Variants in PTPRD observed in about 807,000 individuals in gnomAD.
PTPRD encodes protein tyrosine phosphatase receptor type D.
In PTPRD, 34 loss-of-function variants were observed where a neutral mutation model predicts 214.5. The observed-to-expected ratio is 0.16, with a 90% confidence interval of 0.12 to 0.21. The LOEUF is 0.21. PTPRD is among the 10% of genes least tolerant of loss of function. The probability of loss-of-function intolerance (pLI) is 1.00; values close to 1 mark genes in which losing one functional copy is unlikely to be tolerated. For synonymous variants in PTPRD, 1,128 were observed against 845.7 expected (o/e 1.33, Z -5.79); for missense variants, 2,545 against 2,398.7 (o/e 1.06, Z -1.27).
intron 9 of PTPRD, among the ~76,000 whole-genome samples, chr9:9,290,311 C>T (rs62535767): frequency 0.25 from 38,555 of 151,414 alleles, 5,481 homozygotes; most frequent in Middle Eastern, 0.33. Context: ...AGATTATTTG[C>T]TTCTTTGCTA....
At chr9:10,335,623 C>G (rs1308151018) in intron 3 of PTPRD, among the ~76,000 whole-genome samples, 1 of 151,348 alleles carries the variant, frequency 6.6e-6, no homozygotes, top group Admixed American at 6.6e-5. Flanking sequence ...AAAATTCCAG[C>G]TGAAAAAAGA....
chr9:10,191,664 C>T (rs554892918), intron 3 of PTPRD, among the ~76,000 whole-genome samples: 68 of 152,246 alleles, frequency 4.5e-4, no homozygotes, highest in Non-Finnish European at 8.8e-5. Context: ...TATACTTGAT[C>T]AGAGGGTTGC....
At chr9:9,827,516 T>A (rs1212045306) in intron 5 of PTPRD, among the ~76,000 whole-genome samples, 1 of 152,090 alleles carries the variant, frequency 6.6e-6, no homozygotes, top group Non-Finnish European at 1.5e-5. Flanking sequence ...TCAAGATGGA[T>A]TAAAGACTTA....
At chr9:8,650,670 C>T (rs1391291011) in intron 12 of PTPRD, among the ~76,000 whole-genome samples, 1 of 151,982 alleles carries the variant, frequency 6.6e-6, no homozygotes, top group Non-Finnish European at 1.5e-5. Context: ...CTGAAAAATG[C>T]CCAGCATTAT....
At chr9:9,430,331 A>T (rs2082600143) in intron 8 of PTPRD, among the ~76,000 whole-genome samples, 1 of 151,762 alleles carries the variant, frequency 6.6e-6, no homozygotes, top group South Asian at 2.1e-4. Flanking sequence ...AATACCTAGG[A>T]ATCCAACTTA....
Position 9,073,520 on chromosome 9 carries a change from C to T in PTPRD, c.-142-54785G>A, listed in dbSNP as rs186204848. 2.4e-4 allele frequency among the ~76,000 whole-genome samples: 37 copies of T among 152,168 alleles called. No homozygotes were observed. In the East Asian group the frequency reaches 7.0e-3, roughly 29 times the overall value. ...CACCAGTTAAGTAAAGCAGACAATC[C>T]TCCATAATATGAATGGGTCTCATTA... On this transcript the variant is annotated intron_variant, in intron 10 of 45. Transcript: ENST00000381196.
At chr9:8,729,502 A>T (rs1020297093) in intron 12 of PTPRD, among the ~76,000 whole-genome samples, 2 of 152,194 alleles carry the variant, frequency 1.3e-5, no homozygotes, top group Admixed American at 1.3e-4. Context: ...CTGTTTGCTA[A>T]ATCTTGTTGA....
At chr9:9,453,208 G>A (rs1481879361) in intron 8 of PTPRD, among the ~76,000 whole-genome samples, 1 of 151,416 alleles carries the variant, frequency 6.6e-6, no homozygotes, top group East Asian at 1.9e-4. Flanking sequence ...TTGTTAGTAT[G>A]GGTAATTAAA....
chr9:8,374,112 G>C (rs1270451443), intron 39 of PTPRD, among the ~76,000 whole-genome samples: 1 of 120,700 alleles, frequency 8.3e-6, no homozygotes, highest in African/African-American at 3.8e-5. Flanking sequence ...TTACACACGT[G>C]TCTGTGTGTG....
intron 7 of PTPRD, among the ~76,000 whole-genome samples, chr9:9,683,870 G>T (rs144329945): frequency 1.3e-5 from 2 of 151,440 alleles, no homozygotes; most frequent in Admixed American, 6.6e-5. Flanking sequence ...AGTTAGTTCG[G>T]GTTCTAACAT....
chr9:9,889,723 G>A (rs1601064484), intron 5 of PTPRD, among the ~76,000 whole-genome samples: 2 of 152,172 alleles, frequency 1.3e-5, no homozygotes, highest in African/African-American at 2.4e-5. Context: ...GCCCTGGAGG[G>A]TCACAGCAGG....
chr9:10,410,730 ATCTT>A (rs2154506822), intron 2 of PTPRD, among the ~76,000 whole-genome samples: 1 of 151,798 alleles, frequency 6.6e-6, no homozygotes, highest in East Asian at 1.9e-4. Flanking sequence ...ATTTTTCCCA[ATCTT>A]AACAAGTGTG....
intron 12 of PTPRD, among the ~76,000 whole-genome samples, chr9:8,676,935 C>CA (rs1565202828): frequency 6.6e-6 from 1 of 151,856 alleles, no homozygotes; most frequent in Non-Finnish European, 1.5e-5. Flanking sequence ...AGTAGGCACC[C>CA]AAAATAAGTC....
intron 11 of PTPRD, among the ~76,000 whole-genome samples, chr9:9,014,413 C>T (rs518386): frequency 0.96 from 145,599 of 152,056 alleles, 69,890 homozygotes; most frequent in Middle Eastern, 1. Context: ...CCTAATAGTA[C>T]AGCTTTTTAC....
intron 9 of PTPRD, among the ~76,000 whole-genome samples, chr9:9,188,593 T>A (rs1312770264): frequency 2.0e-5 from 3 of 152,028 alleles, no homozygotes; most frequent in African/African-American, 7.2e-5. Context: ...AGGCTTGGAC[T>A]AGAAAAGGGA....
chr9:10,544,461 T>G lies in PTPRD; in HGVS notation c.-600+67937A>C, dbSNP rs566250173. ...ATTGTTGCTTTTTTCTTTAACAGTG[T>G]ACTTAAAAACACATTTTAAATGATA... On this transcript the variant is annotated intron_variant, in intron 2 of 45. Transcript: ENST00000381196. Among the ~76,000 whole-genome samples the G allele has an allele frequency of 5.3e-4, 81 of 152,282 alleles. 1 individual carries two copies. The South Asian group carries it at 8.3e-3, about 16-fold the overall frequency.
chr9:9,897,794 C>T (rs2075390054), intron 5 of PTPRD, among the ~76,000 whole-genome samples: 1 of 151,990 alleles, frequency 6.6e-6, no homozygotes, highest in Non-Finnish European at 1.5e-5. Context: ...TTAAAGTAGA[C>T]AATGTACACT....
chr9:10,127,559 G>A (rs1254652342), intron 3 of PTPRD, among the ~76,000 whole-genome samples: 1 of 152,034 alleles, frequency 6.6e-6, no homozygotes, highest in Non-Finnish European at 1.5e-5. Flanking sequence ...GGACAAGTAG[G>A]ACACAACTTG....
chr9:8,648,103 A>G (rs1247088874), intron 12 of PTPRD, among the ~76,000 whole-genome samples: 1 of 152,258 alleles, frequency 6.6e-6, no homozygotes, highest in East Asian at 1.9e-4. Context: ...CACATGCATG[A>G]AGACCATAAC....
Sources: allele counts gnomAD v4.1 joint callset (sites outside exome capture counted in the v4.1 genomes callset), GRCh38; gene constraint gnomAD v4.1.1; transcripts MANE v1.5; gene names NCBI Gene and HGNC (gene_info 2026-07-23, HGNC 2026-07-21).